PTPN4: variants seen among roughly 807,000 people sequenced by gnomAD.
PTPN4 encodes the protein tyrosine-protein phosphatase non-receptor type 4.
PTPN4 carries 49 observed loss-of-function variants against 135.5 expected under a neutral mutation model. The observed-to-expected ratio is 0.36, with a 90% CI of 0.29 to 0.46. The LOEUF is 0.46. Among genes scored for constraint, PTPN4 ranks in the 20% least tolerant of loss-of-function variants. The probability of loss-of-function intolerance (pLI) is 1.00; values close to 1 mark genes in which losing one functional copy is unlikely to be tolerated. For synonymous variants in PTPN4, 333 were observed against 369.9 expected (o/e 0.90, Z 1.14); for missense variants, 860 against 1,101.0 (o/e 0.78, Z 3.10).
At chr2:119,929,437 A>C (rs545883589) in intron 13 of PTPN4, among the ~76,000 whole-genome samples, 20 of 152,226 alleles carry the variant, frequency 1.3e-4, no homozygotes, top group Middle Eastern at 3.4e-3. Context: ...AGCAATCATT[A>C]AATGTTTTTT....
At position 119,984,400 on chromosome 2, in the gene PTPN4, G is replaced by A. The variant is rs1679735790; in HGVS notation, c.*7330G>A. On this transcript the variant is annotated 3_prime_UTR_variant, in exon 27 of 27. Coordinates refer to ENST00000263708, the MANE Select transcript of PTPN4 (RefSeq NM_002830.4). ...ATTAAGATACAATTATTCATTTCAT[G>A]TTTGATTCTATTAAACTAGTGGCAA... 6.6e-6 allele frequency among the ~76,000 whole-genome samples: 1 copy of A among 152,008 alleles called. No homozygotes were observed. The highest frequency in any genetic ancestry group is 1.5e-5 in the Non-Finnish European group (1 of 67,982).
Position 119,882,514 on chromosome 2 carries a change from G to A in PTPN4, c.478G>A (p.Asp160Asn). Reference protein sequence around the residue: ...ASFAVQSELGDYDQSENLSGY... With the variant: ...ASFAVQSELGNYDQSENLSGY... ...CCTTTCATTATTAGCTGAACTTGGA[G>A]ACTACGATCAGTCAGAGAACTTGTC... The change falls in exon 8 of 27, where the codon GAC (aspartate) becomes AAC (asparagine). Residue 160 changes from aspartate (D) to asparagine (N), a missense_variant. This residue lies in a region of PTPN4 where 684 missense variants were observed against 807.0 expected (regional missense o/e 0.85). Transcript: ENST00000263708. The A allele has an allele frequency of 2.6e-6, 4 of 1,529,548 alleles. No homozygotes were observed. Among genetic ancestry groups the A allele is most frequent in the Non-Finnish European group, 3.5e-6 (4 of 1,133,478 alleles). The allele number at this position is 1,529,548 out of a possible 1,614,324, so 94.7% of individuals were successfully genotyped here.
intron 24 of PTPN4, among the ~76,000 whole-genome samples, chr2:119,963,103 G>T (rs1265844454): frequency 1.3e-5 from 2 of 152,092 alleles, no homozygotes; most frequent in Non-Finnish European, 1.5e-5. Flanking sequence ...TGTGTCTGTG[G>T]AAATGGAAAA....
intron 2 of PTPN4, among the ~76,000 whole-genome samples, chr2:119,854,571 G>A (rs1017041243): frequency 6.6e-6 from 1 of 152,122 alleles, no homozygotes; most frequent in African/African-American, 2.4e-5. Context: ...TCTTGGAGTC[G>A]ATCTAAGGGT....
At chr2:119,934,416 C>T (rs779174208) in intron 14 of PTPN4, among the ~76,000 whole-genome samples, 10 of 152,042 alleles carry the variant, frequency 6.6e-5, no homozygotes, top group Non-Finnish European at 1.2e-4. Flanking sequence ...AAAGAAAGTC[C>T]CATAAATAAA....
intron 12 of PTPN4, among the ~76,000 whole-genome samples, chr2:119,924,425 A>G (rs536162730): frequency 6.6e-6 from 1 of 152,164 alleles, no homozygotes; most frequent in Non-Finnish European, 1.5e-5. Flanking sequence ...AATGATTTTT[A>G]CCTGCTCATA....
Position 119,983,365 on chromosome 2 carries a change from A to G in PTPN4, c.*6295A>G, listed in dbSNP as rs1272970704. 1 of 152,142 alleles carries G rather than the reference A, an allele frequency of 6.6e-6. No homozygotes were observed. The highest frequency in any genetic ancestry group is 2.4e-5 in the African/African-American group (1 of 41,426). 9.4% of individuals were successfully genotyped at this position (152,142 alleles called of 1,614,324 possible). A position where few individuals can be genotyped will look rare whatever the true frequency, so the allele number is the denominator to read the frequency against. ...TTGGGTACTTCCCCACTGTCATCAC[A>G]GTTGAGCTCATTTTAACATATATTC... On this transcript the variant is annotated 3_prime_UTR_variant, in exon 27 of 27. Coordinates refer to ENST00000263708, the MANE Select transcript of PTPN4 (RefSeq NM_002830.4).
Position 119,760,184 on chromosome 2 carries a change from G to T in PTPN4, c.-218G>T. The T allele has an allele frequency of 2.5e-6, 1 of 394,504 alleles. No homozygotes were observed. The highest frequency in any genetic ancestry group is 4.5e-6 in the Non-Finnish European group (1 of 223,508). The allele number at this position is 394,504 out of a possible 1,614,324, so 24.4% of individuals were successfully genotyped here. On this transcript the variant is annotated 5_prime_UTR_variant, in exon 1 of 27. Coordinates refer to ENST00000263708, the MANE Select transcript of PTPN4 (RefSeq NM_002830.4). ...TGCCCGCCTCCCTGCCACCTCCCCA[G>T]CGGCGCCGGCCCGCGGCTGCCCAGC...
At chr2:119,906,314 A>G (rs1178472213) in intron 10 of PTPN4, among the ~76,000 whole-genome samples, 1 of 152,202 alleles carries the variant, frequency 6.6e-6, no homozygotes, top group Non-Finnish European at 1.5e-5. Flanking sequence ...CCTGAGTGAC[A>G]GTGTGAGACC....
At chr2:119,800,672 T>C (rs1691345700) in intron 1 of PTPN4, among the ~76,000 whole-genome samples, 1 of 152,158 alleles carries the variant, frequency 6.6e-6, no homozygotes, top group South Asian at 2.1e-4. Context: ...TCTAGTATGT[T>C]TTCTTCTAAA....
intron 15 of PTPN4, among the ~76,000 whole-genome samples, chr2:119,939,910 T>A (rs1367251643): frequency 1.3e-5 from 2 of 152,210 alleles, no homozygotes; most frequent in East Asian, 1.9e-4. Context: ...GAAGGAGATA[T>A]CAAGCCATGG....
At chr2:119,822,363 C>G (rs996084161) in intron 2 of PTPN4, among the ~76,000 whole-genome samples, 48 of 129,606 alleles carry the variant, frequency 3.7e-4, no homozygotes, top group East Asian at 6.6e-4. Context: ...CCTCCCCCCC[C>G]CTTTTTTTTT....
intron 1 of PTPN4, among the ~76,000 whole-genome samples, chr2:119,781,838 C>T (rs1690945631): frequency 6.6e-6 from 1 of 152,102 alleles, no homozygotes; most frequent in Admixed American, 6.5e-5. Flanking sequence ...TCTTAATGGC[C>T]TGTAAAGCCT....
chr2:119,952,967 T>A (rs1679230702), intron 19 of PTPN4, among the ~76,000 whole-genome samples: 1 of 152,228 alleles, frequency 6.6e-6, no homozygotes, highest in Admixed American at 6.5e-5. Flanking sequence ...TCTGTCACTC[T>A]GTGCTATGCA....
chr2:119,768,590 G>A (rs1269306351), intron 1 of PTPN4, among the ~76,000 whole-genome samples: 1 of 152,118 alleles, frequency 6.6e-6, no homozygotes, highest in Non-Finnish European at 1.5e-5. Flanking sequence ...TTCTGTATTT[G>A]TAAATCTCTT....
chr2:119,775,222 G>A (rs1045127613), intron 1 of PTPN4, among the ~76,000 whole-genome samples: 3 of 151,840 alleles, frequency 2.0e-5, no homozygotes, highest in South Asian at 2.1e-4. Flanking sequence ...AATGCAGTCC[G>A]GTTTATGATC....
At chr2:119,779,269 T>C (rs576247828) in intron 1 of PTPN4, among the ~76,000 whole-genome samples, 19 of 152,286 alleles carry the variant, frequency 1.2e-4, no homozygotes, top group Non-Finnish European at 2.8e-4. Context: ...TGTAATAAAC[T>C]AAGTTGGTAG....
intron 2 of PTPN4, among the ~76,000 whole-genome samples, chr2:119,854,457 G>T (rs762397586): frequency 3.9e-5 from 6 of 152,124 alleles, no homozygotes; most frequent in Non-Finnish European, 8.8e-5. Context: ...TCCCCCCTGA[G>T]GAGATGTCAC....
chr2:119,871,775 G>C (rs575835600), intron 3 of PTPN4, among the ~76,000 whole-genome samples: 1 of 152,196 alleles, frequency 6.6e-6, no homozygotes, highest in East Asian at 1.9e-4. Context: ...TTTTATTATA[G>C]AAAACAAAAG....
Sources: gnomAD v4.1 joint callset for allele counts (sites outside exome capture counted in the v4.1 genomes callset) on GRCh38, gnomAD v4.1.1 for gene constraint, gnomAD v4.1.1 regional missense constraint, MANE v1.5 for transcripts, NCBI Gene and HGNC (gene_info 2026-07-23, HGNC 2026-07-21) for gene names.